The following CD247 variants were observed in gnomAD, a reference collection of about 807,000 sequenced individuals.
CD247 encodes T-cell surface glycoprotein CD3 zeta chain.
A neutral mutation model predicts 30.0 loss-of-function variants in CD247; 13 were observed. The observed-to-expected ratio is 0.43, with a 90% CI of 0.28 to 0.69. The LOEUF (loss-of-function observed/expected upper bound fraction) is 0.69. Ranked by LOEUF, CD247 falls within the 30% of genes least tolerant of loss-of-function variation. CD247 has a pLI of 0.16. For missense variants in CD247, 193 were observed against 212.6 expected, an observed-to-expected ratio of 0.91 and a Z score of 0.57; for synonymous variants, 72 against 80.0, an observed-to-expected ratio of 0.90 and a Z score of 0.53.
chr1:167,454,369 T>C (rs944955677), intron 1 of CD247, among the ~76,000 whole-genome samples: 1 of 152,198 alleles, frequency 6.6e-6, no homozygotes, highest in Non-Finnish European at 1.5e-5. Context: ...TATGATAGTA[T>C]ATAATATTTA....
chr1:167,442,360 G>A (rs551136912), intron 1 of CD247, among the ~76,000 whole-genome samples: 2 of 152,268 alleles, frequency 1.3e-5, no homozygotes, highest in Admixed American at 6.5e-5. Context: ...CCCAGATGAG[G>A]GCAGAGGGAG....
intron 1 of CD247, among the ~76,000 whole-genome samples, chr1:167,509,388 AAAG>A (rs1655288467): frequency 6.6e-6 from 1 of 151,738 alleles, no homozygotes; most frequent in African/African-American, 2.4e-5. Context: ...AAAAAAAAAA[AAAG>A]AAAAGAAAAG....
intron 1 of CD247, among the ~76,000 whole-genome samples, chr1:167,503,980 C>A (rs1655013838): frequency 6.6e-6 from 1 of 152,188 alleles, no homozygotes; most frequent in South Asian, 2.1e-4. Context: ...TGCTAATTCC[C>A]TTCTCCATGT....
chr1:167,437,614 A>C (rs1001687565), intron 4 of CD247, among the ~76,000 whole-genome samples: 1 of 152,224 alleles, frequency 6.6e-6, no homozygotes, highest in Non-Finnish European at 1.5e-5. Context: ...AGCCAGGCAC[A>C]GAAAGACAAA....
chr1:167,465,014 G>A (rs1176825258), intron 1 of CD247, among the ~76,000 whole-genome samples: 3 of 151,650 alleles, frequency 2.0e-5, no homozygotes, highest in Non-Finnish European at 4.4e-5. Flanking sequence ...TCCATTTTAC[G>A]TTTATTTCCT....
chr1:167,478,977 A>G (rs1328292377), intron 1 of CD247, among the ~76,000 whole-genome samples: 1 of 152,204 alleles, frequency 6.6e-6, no homozygotes, highest in Non-Finnish European at 1.5e-5. Flanking sequence ...AATATTGCAT[A>G]TTTTCTAGAT....
chr1:167,508,612 C>T (rs1184768985), intron 1 of CD247, among the ~76,000 whole-genome samples: 1 of 152,120 alleles, frequency 6.6e-6, no homozygotes, highest in Non-Finnish European at 1.5e-5. Flanking sequence ...TAGGTCTGGG[C>T]TTTGAAGTGT....
At chr1:167,446,490 C>T (rs1052357279) in intron 1 of CD247, among the ~76,000 whole-genome samples, 1 of 152,142 alleles carries the variant, frequency 6.6e-6, no homozygotes, top group African/African-American at 2.4e-5. Flanking sequence ...TTGACAAGAC[C>T]GATTTCACGG....
At chr1:167,498,904 G>T (rs961571963) in intron 1 of CD247, among the ~76,000 whole-genome samples, 4 of 152,136 alleles carry the variant, frequency 2.6e-5, no homozygotes, top group African/African-American at 2.4e-5. Flanking sequence ...TATGGTTTAC[G>T]GCTGTCCTCC....
intron 1 of CD247, among the ~76,000 whole-genome samples, chr1:167,483,385 G>A (rs1028810960): frequency 5.9e-5 from 9 of 152,150 alleles, no homozygotes; most frequent in African/African-American, 2.2e-4. Context: ...TCTCAGGGTG[G>A]TGGTATCTAG....
chr1:167,460,960 GGTGT>G (rs1652981196), intron 1 of CD247, among the ~76,000 whole-genome samples: 1 of 152,260 alleles, frequency 6.6e-6, no homozygotes, highest in African/African-American at 2.4e-5. Context: ...CTTTCCTGGA[GGTGT>G]GTTTGTCAGT....
At chr1:167,445,137 G>A (rs1231974393) in intron 1 of CD247, among the ~76,000 whole-genome samples, 2 of 152,032 alleles carry the variant, frequency 1.3e-5, no homozygotes, top group African/African-American at 4.8e-5. Context: ...TGTTGGTCAG[G>A]CTGGTCTCAA....
intron 1 of CD247, among the ~76,000 whole-genome samples, chr1:167,453,901 C>T (rs35045536): frequency 6.6e-6 from 1 of 152,262 alleles, no homozygotes; most frequent in East Asian, 1.9e-4. Flanking sequence ...GAGGTGGAGG[C>T]TGCTGTGAGC....
chr1:167,437,872 C>T (rs949032081), intron 4 of CD247, among the ~76,000 whole-genome samples: 1 of 152,112 alleles, frequency 6.6e-6, no homozygotes, highest in Non-Finnish European at 1.5e-5. Flanking sequence ...CTAATGTTCT[C>T]ATCACAAAAA....
intron 1 of CD247, among the ~76,000 whole-genome samples, chr1:167,446,429 A>G (rs189646878): frequency 6.6e-6 from 1 of 152,170 alleles, no homozygotes; most frequent in Non-Finnish European, 1.5e-5. Flanking sequence ...TTGTTTTGGA[A>G]CAGTTTTCTT....
chr1:167,497,826 A>G (rs922151398), intron 1 of CD247, among the ~76,000 whole-genome samples: 2 of 152,190 alleles, frequency 1.3e-5, no homozygotes, highest in South Asian at 2.1e-4. Context: ...TGATTCTGCC[A>G]TCTCCTTTCT....
intron 1 of CD247, among the ~76,000 whole-genome samples, chr1:167,452,134 A>G (rs183691000): frequency 2.6e-5 from 4 of 152,340 alleles, no homozygotes; most frequent in African/African-American, 9.6e-5. Flanking sequence ...CTAAGGCAGG[A>G]GAATTGCTTG....
intron 1 of CD247, among the ~76,000 whole-genome samples, chr1:167,460,394 C>T (rs983828024): frequency 6.6e-6 from 1 of 151,962 alleles, no homozygotes; most frequent in African/African-American, 2.4e-5. Flanking sequence ...CAGAGTGAGA[C>T]CCTGTCTCAA....
At chr1:167,456,874 C>A (rs977359860) in intron 1 of CD247, among the ~76,000 whole-genome samples, 1 of 152,220 alleles carries the variant, frequency 6.6e-6, no homozygotes, top group Non-Finnish European at 1.5e-5. Flanking sequence ...ATCTTATGTT[C>A]ATTCCTCAAA....
Sources: allele counts gnomAD v4.1 joint callset (sites outside exome capture counted in the v4.1 genomes callset), GRCh38; gene constraint gnomAD v4.1.1; transcripts MANE v1.5; gene names NCBI Gene and HGNC (gene_info 2026-07-23, HGNC 2026-07-21).